The following ATF1 variants were observed in gnomAD, a reference collection of about 807,000 sequenced individuals.
The protein encoded by ATF1 is activating transcription factor 1.
ATF1 carries 16 observed loss-of-function variants against 34.7 expected under a neutral mutation model. The ratio of observed to expected loss-of-function variants is 0.46; its 90% CI spans 0.31 to 0.70. The LOEUF (loss-of-function observed/expected upper bound fraction) is 0.70. Ranked by LOEUF, ATF1 falls within the 30% of genes least tolerant of loss-of-function variation. The probability of loss-of-function intolerance (pLI) is 0.05; values close to 1 mark genes in which losing one functional copy is unlikely to be tolerated. For synonymous variants in ATF1, 105 were observed against 113.1 expected (o/e 0.93, Z 0.46); for missense variants, 255 against 321.6 (o/e 0.79, Z 1.58).
chr12:50,775,302 G>A (rs1336546362), intron 1 of ATF1, among the ~76,000 whole-genome samples: 1 of 151,824 alleles, frequency 6.6e-6, no homozygotes, highest in Admixed American at 6.6e-5. Context: ...TGATTATAGT[G>A]GCTTTTACTG....
intron 2 of ATF1, among the ~76,000 whole-genome samples, chr12:50,785,347 A>C (rs1941166146): frequency 6.7e-6 from 1 of 148,278 alleles, no homozygotes; most frequent in Non-Finnish European, 1.5e-5. Context: ...ACAGACGTAT[A>C]TATATAATTG....
intron 3 of ATF1, among the ~76,000 whole-genome samples, chr12:50,805,779 G>C (rs1941604313): frequency 6.6e-6 from 1 of 151,924 alleles, no homozygotes; most frequent in Non-Finnish European, 1.5e-5. Context: ...GAGTTTTCAG[G>C]TCTTGCTCTT....
At chr12:50,801,073 C>T (rs574861900) in intron 3 of ATF1, among the ~76,000 whole-genome samples, 1 of 152,228 alleles carries the variant, frequency 6.6e-6, no homozygotes, top group South Asian at 2.1e-4. Context: ...CCAGCCTGGG[C>T]GACAGAGCGA....
chr12:50,780,688 C>A (rs970050209), intron 2 of ATF1, among the ~76,000 whole-genome samples: 1 of 150,490 alleles, frequency 6.6e-6, no homozygotes, highest in Non-Finnish European at 1.5e-5. Flanking sequence ...AAAGGCCAGG[C>A]GCAGTGGCTC....
chr12:50,810,583 G>A (rs1941716251), intron 4 of ATF1, among the ~76,000 whole-genome samples: 1 of 152,166 alleles, frequency 6.6e-6, no homozygotes, highest in South Asian at 2.1e-4. Flanking sequence ...ACTCTTTGGG[G>A]AGTTTAAGTC....
At chr12:50,790,404 C>T (rs990659858) in intron 2 of ATF1, among the ~76,000 whole-genome samples, 3 of 151,956 alleles carry the variant, frequency 2.0e-5, no homozygotes, top group African/African-American at 7.3e-5. Context: ...TGCATTTTAC[C>T]TATGTTGCCC....
chr12:50,813,717 G>A (rs1269774979), intron 4 of ATF1, among the ~76,000 whole-genome samples: 1 of 152,052 alleles, frequency 6.6e-6, no homozygotes, highest in Non-Finnish European at 1.5e-5. Context: ...GGGAGGCTGA[G>A]GCACAAGAAT....
At chr12:50,766,359 A>G (rs566573206) in intron 1 of ATF1, among the ~76,000 whole-genome samples, 10 of 152,254 alleles carry the variant, frequency 6.6e-5, no homozygotes, top group East Asian at 3.9e-4. Context: ...ACTCCCTCTC[A>G]GCTAAGAACA....
At chr12:50,766,215 ATTTATG>A (rs1190400128) in intron 1 of ATF1, among the ~76,000 whole-genome samples, 1 of 152,170 alleles carries the variant, frequency 6.6e-6, no homozygotes, top group East Asian at 1.9e-4. Context: ...GAAACCCAGT[ATTTATG>A]TTTAGGAGTC....
chr12:50,810,166 G>A (rs924486571), intron 4 of ATF1, among the ~76,000 whole-genome samples: 8 of 148,956 alleles, frequency 5.4e-5, no homozygotes, highest in African/African-American at 1.2e-4. Flanking sequence ...ATGTAGTTCC[G>A]TACATAATTG....
At chr12:50,803,456 A>G (rs2139680810) in intron 3 of ATF1, among the ~76,000 whole-genome samples, 1 of 152,044 alleles carries the variant, frequency 6.6e-6, no homozygotes, top group East Asian at 1.9e-4. Flanking sequence ...GTTGGTGATG[A>G]TATGGAGAAA....
rs542962130 is a variant in ATF1, at chr12:50,801,423, A to G, written c.194+5414A>G. ...CAAAATAATGCAGGTGCAGGAACAC[A>G]GAAGAATTTTAAAAACAGAATAAAC... On this transcript the variant is annotated intron_variant, in intron 3 of 6. Transcript: ENST00000262053. Among the ~76,000 whole-genome samples, 342 of 152,370 alleles carry G rather than the reference A, an allele frequency of 2.2e-3. 1 individual carries two copies. The highest frequency in any genetic ancestry group is 4.1e-3 in the African/African-American group (171 of 41,582).
intron 1 of ATF1, among the ~76,000 whole-genome samples, chr12:50,767,258 C>T (rs1940659701): frequency 6.6e-6 from 1 of 152,122 alleles, no homozygotes; most frequent in Non-Finnish European, 1.5e-5. Flanking sequence ...TGGCTCAGGC[C>T]TGTAATCCCA....
At chr12:50,794,331 C>T (rs557990827) in intron 2 of ATF1, among the ~76,000 whole-genome samples, 8 of 150,942 alleles carry the variant, frequency 5.3e-5, no homozygotes, top group South Asian at 4.2e-4. Flanking sequence ...CTTTGGGAGG[C>T]TGAGGCAGGT....
chr12:50,794,300 C>T (rs905697482), intron 2 of ATF1, among the ~76,000 whole-genome samples: 21 of 150,060 alleles, frequency 1.4e-4, no homozygotes, highest in African/African-American at 4.6e-4. Context: ...GGCACAGTGG[C>T]TCACACTTGC....
chr12:50,795,850 T>G, intron 2 of ATF1, 59 bp from the exon 3 acceptor site: 1 of 1,340,022 alleles, frequency 7.5e-7, no homozygotes, highest in South Asian at 1.3e-5. Context: ...AAAGTAAAAA[T>G]TCAGTTGTTT....
intron 3 of ATF1, among the ~76,000 whole-genome samples, chr12:50,804,278 GAAT>G (rs1418708155): frequency 6.6e-6 from 1 of 152,104 alleles, no homozygotes; most frequent in East Asian, 1.9e-4. Context: ...ATAGACTTCA[GAAT>G]AAGGAAAATC....
chr12:50,771,492 C>G (rs114625468), intron 1 of ATF1, among the ~76,000 whole-genome samples: 1,593 of 152,082 alleles, frequency 0.01, 29 homozygotes, highest in African/African-American at 0.037. Context: ...TGCAAGAGAC[C>G]CTCATAGGCA....
intron 2 of ATF1, among the ~76,000 whole-genome samples, chr12:50,793,776 T>A (rs1307333647): frequency 6.6e-6 from 1 of 152,058 alleles, no homozygotes; most frequent in Non-Finnish European, 1.5e-5. Flanking sequence ...GAAATATAAA[T>A]GAGTAGTTAT....
Sources: gnomAD v4.1 joint callset for allele counts (sites outside exome capture counted in the v4.1 genomes callset) on GRCh38, gnomAD v4.1.1 for gene constraint, MANE v1.5 for transcripts, NCBI Gene and HGNC (gene_info 2026-07-23, HGNC 2026-07-21) for gene names.